The following PHACTR4 variants were observed in gnomAD, a reference collection of about 807,000 sequenced individuals.
The protein encoded by PHACTR4 is phosphatase and actin regulator 4, also known as protein phosphatase 1, regulatory subunit 124.
In PHACTR4, 51 loss-of-function variants were observed where a neutral mutation model predicts 72.7. That is an observed-to-expected ratio of 0.70 (90% CI 0.56 to 0.89). PHACTR4 has a LOEUF of 0.89. PHACTR4 is among the 40% of genes least tolerant of loss of function. The pLI is 0.00. For synonymous variants in PHACTR4, 255 were observed against 302.5 expected (o/e 0.84, Z 1.63); for missense variants, 731 against 861.8 (o/e 0.85, Z 1.90).
chr1:28,385,559 AAG>A (rs1280502851), intron 1 of PHACTR4, among the ~76,000 whole-genome samples: 1 of 151,260 alleles, frequency 6.6e-6, no homozygotes, highest in African/African-American at 2.4e-5. Flanking sequence ...AAAAAAAAAA[AAG>A]TCATTCAGGA....
chr1:28,479,831 T>A (rs1163189259), intron 8 of PHACTR4, among the ~76,000 whole-genome samples: 7 of 152,110 alleles, frequency 4.6e-5, no homozygotes, highest in Non-Finnish European at 1.0e-4. Flanking sequence ...AGGCGGAGGT[T>A]GCAATGAGCT....
At chr1:28,390,254 C>G (rs955447469) in intron 1 of PHACTR4, among the ~76,000 whole-genome samples, 21 of 152,296 alleles carry the variant, frequency 1.4e-4, no homozygotes, top group African/African-American at 5.1e-4. Context: ...CTCCTGGTAT[C>G]AAGCGATCCT....
chr1:28,412,076 C>T (rs953216148), intron 2 of PHACTR4, among the ~76,000 whole-genome samples: 9 of 151,936 alleles, frequency 5.9e-5, no homozygotes, highest in Non-Finnish European at 1.3e-4. Context: ...ATATCATGTT[C>T]GTTAATATCA....
At chr1:28,409,553 C>T (rs1295612998) in intron 2 of PHACTR4, among the ~76,000 whole-genome samples, 1 of 152,084 alleles carries the variant, frequency 6.6e-6, no homozygotes, top group Non-Finnish European at 1.5e-5. Flanking sequence ...TTAATTTCAG[C>T]GTACTGGAGG....
intron 9 of PHACTR4, among the ~76,000 whole-genome samples, chr1:28,487,727 GTTTTTTTTT>G (rs780028378): frequency 3.2e-5 from 2 of 63,304 alleles, no homozygotes; most frequent in African/African-American, 1.1e-4. Flanking sequence ...GTTTTTTGTT[GTTTTTTTTT>G]TTTTTTTTTT....
At chr1:28,419,395 A>ATG (rs533725754) in intron 2 of PHACTR4, among the ~76,000 whole-genome samples, 113 of 147,954 alleles carry the variant, frequency 7.6e-4, no homozygotes, top group African/African-American at 2.9e-3. Flanking sequence ...CACTTTACAC[A>ATG]TATATATACA....
At chr1:28,396,203 T>C (rs1653488311) in intron 1 of PHACTR4, among the ~76,000 whole-genome samples, 1 of 152,018 alleles carries the variant, frequency 6.6e-6, no homozygotes, top group Admixed American at 6.6e-5. Context: ...CACTTCCAGA[T>C]TTCCAGGGAA....
At chr1:28,463,255 G>A (rs79212822) in intron 4 of PHACTR4, among the ~76,000 whole-genome samples, 3,533 of 152,046 alleles carry the variant, frequency 0.023, 133 homozygotes, top group African/African-American at 0.081. Flanking sequence ...TGACTGTACT[G>A]TAAAATATTT....
At chr1:28,414,001 A>G (rs1026322959) in intron 2 of PHACTR4, among the ~76,000 whole-genome samples, 19 of 152,206 alleles carry the variant, frequency 1.2e-4, no homozygotes, top group African/African-American at 4.6e-4. Context: ...AGACTGCTGC[A>G]TTCAGCATTA....
Position 28,401,322 on chromosome 1 carries a change from G to T in PHACTR4, c.-38-6088G>T, listed in dbSNP as rs866320201. Among the ~76,000 whole-genome samples, 822 of 97,084 alleles carry T rather than the reference G, an allele frequency of 8.5e-3. 1 individual carries two copies. The highest frequency in any genetic ancestry group is 0.012 in the Non-Finnish European group (641 of 51,574). 63.7% of individuals were successfully genotyped at this position (97,084 alleles called of 152,430 possible). A position where few individuals can be genotyped will look rare whatever the true frequency, so the allele number is the denominator to read the frequency against. On this transcript the variant is annotated intron_variant, in intron 1 of 13. Coordinates refer to ENST00000373839, the MANE Select transcript of PHACTR4 (RefSeq NM_001048183.3). Reference sequence around the variant, plus strand: ...TTACTTTTTTTTTTTTTTTTTTTTGGGGGGGATGGAGTCTCGCTCTGTCAC... The same window carrying T: ...TTACTTTTTTTTTTTTTTTTTTTTGTGGGGGATGGAGTCTCGCTCTGTCAC...
At chr1:28,370,328 A>G (rs1379029482) in intron 1 of PHACTR4, among the ~76,000 whole-genome samples, 1 of 152,064 alleles carries the variant, frequency 6.6e-6, no homozygotes, top group African/African-American at 2.4e-5. Flanking sequence ...CCTGGAGGTT[A>G]TTATTTAACT....
intron 6 of PHACTR4, among the ~76,000 whole-genome samples, chr1:28,472,236 G>A (rs1462025046): frequency 6.6e-6 from 1 of 151,844 alleles, no homozygotes; most frequent in Non-Finnish European, 1.5e-5. Context: ...GAGACAGTAG[G>A]ATGCAGTCAA....
intron 6 of PHACTR4, among the ~76,000 whole-genome samples, chr1:28,468,847 G>A (rs1388431843): frequency 2.6e-5 from 4 of 151,618 alleles, no homozygotes; most frequent in Non-Finnish European, 4.4e-5. Flanking sequence ...TCTCCAGGGA[G>A]CACACATTAA....
intron 9 of PHACTR4, among the ~76,000 whole-genome samples, chr1:28,484,152 A>G (rs1289031098): frequency 2.6e-5 from 4 of 151,908 alleles, no homozygotes; most frequent in African/African-American, 9.7e-5. Context: ...GTGAAACCCC[A>G]TCTACTAAAA....
chr1:28,463,735 G>A (rs1002726473), intron 4 of PHACTR4, among the ~76,000 whole-genome samples: 1 of 152,042 alleles, frequency 6.6e-6, no homozygotes, highest in Non-Finnish European at 1.5e-5. Flanking sequence ...CCTCTTATTG[G>A]AACTTCATGA....
At chr1:28,413,713 A>G (rs1181348203) in intron 2 of PHACTR4, among the ~76,000 whole-genome samples, 1 of 152,056 alleles carries the variant, frequency 6.6e-6, no homozygotes, top group Non-Finnish European at 1.5e-5. Flanking sequence ...CTTGCCCTGC[A>G]TAGTCTCTTT....
At chr1:28,493,264 G>A (rs533945823) in intron 13 of PHACTR4, among the ~76,000 whole-genome samples, 173 bp downstream of exon 13, 4 of 152,190 alleles carry the variant, frequency 2.6e-5, no homozygotes, top group African/African-American at 7.2e-5. Context: ...TAGGCCAGGT[G>A]CGGTGGCTCA....
chr1:28,387,178 T>C (rs1652623633), intron 1 of PHACTR4, among the ~76,000 whole-genome samples: 2 of 150,954 alleles, frequency 1.3e-5, no homozygotes, highest in South Asian at 2.1e-4. Context: ...GGAGAATCAC[T>C]TGAACCCAGG....
intron 13 of PHACTR4, among the ~76,000 whole-genome samples, chr1:28,495,234 A>G (rs747741865): frequency 6.6e-6 from 1 of 152,196 alleles, no homozygotes; most frequent in African/African-American, 2.4e-5. Context: ...ACAGCAGGAA[A>G]TAAGATAAAG....
Sources: allele counts gnomAD v4.1 joint callset (sites outside exome capture counted in the v4.1 genomes callset), GRCh38; gene constraint gnomAD v4.1.1; transcripts MANE v1.5; gene names NCBI Gene and HGNC (gene_info 2026-07-23, HGNC 2026-07-21).